LRRTM4: variants seen among roughly 807,000 people sequenced by gnomAD.
LRRTM4 encodes the protein leucine-rich repeat transmembrane neuronal protein 4.
A neutral mutation model predicts 47.6 loss-of-function variants in LRRTM4; 25 were observed. The ratio of observed to expected loss-of-function variants is 0.53; its 90% confidence interval spans 0.38 to 0.73. The LOEUF (loss-of-function observed/expected upper bound fraction) is 0.73, where lower values mean the gene tolerates loss of function less well. Among genes scored for constraint, LRRTM4 ranks in the 30% least tolerant of loss-of-function variants. The pLI is 0.00. For synonymous variants in LRRTM4, 311 were observed against 269.5 expected (o/e 1.15, Z -1.51); for missense variants, 638 against 713.4 (o/e 0.89, Z 1.20).
intron 3 of LRRTM4, among the ~76,000 whole-genome samples, chr2:77,399,159 C>T (rs1673835376): frequency 6.7e-6 from 1 of 149,454 alleles, no homozygotes; most frequent in African/African-American, 2.5e-5. Context: ...TCCAGAACAA[C>T]AGCAGGGCTT....
intron 3 of LRRTM4, among the ~76,000 whole-genome samples, chr2:76,923,919 C>T (rs1674509912): frequency 6.6e-6 from 1 of 152,058 alleles, no homozygotes; most frequent in Non-Finnish European, 1.5e-5. Flanking sequence ...AATAGTAGCT[C>T]AAATGGCTCT....
At chr2:77,444,969 A>ACACACACACACC (rs1675993543) in intron 3 of LRRTM4, among the ~76,000 whole-genome samples, 1 of 123,296 alleles carries the variant, frequency 8.1e-6, no homozygotes, top group African/African-American at 3.2e-5. Flanking sequence ...ACACACACAC[A>ACACACACACACC]CGATCCGGAA....
chr2:76,905,349 T>C (rs1361010079), intron 3 of LRRTM4, among the ~76,000 whole-genome samples: 3 of 152,038 alleles, frequency 2.0e-5, no homozygotes, highest in Non-Finnish European at 4.4e-5. Flanking sequence ...ATCCCATCTG[T>C]ACATCACCAT....
At chr2:77,238,748 G>A (rs748800293) in intron 3 of LRRTM4, among the ~76,000 whole-genome samples, 1 of 152,020 alleles carries the variant, frequency 6.6e-6, no homozygotes, top group Non-Finnish European at 1.5e-5. Flanking sequence ...GTAAGAATTA[G>A]AGGAAACTTC....
At chr2:76,776,005 G>C (rs921430733) in intron 3 of LRRTM4, among the ~76,000 whole-genome samples, 1 of 151,900 alleles carries the variant, frequency 6.6e-6, no homozygotes, top group African/African-American at 2.4e-5. Flanking sequence ...ACAATATGCG[G>C]TGTTTGGTTT....
chr2:76,908,566 G>T (rs2103770739), intron 3 of LRRTM4, among the ~76,000 whole-genome samples: 1 of 152,198 alleles, frequency 6.6e-6, no homozygotes, highest in East Asian at 1.9e-4. Context: ...CCTGTTTGCA[G>T]ATGACATGAT....
At chr2:77,298,201 A>G (rs374220215) in intron 3 of LRRTM4, among the ~76,000 whole-genome samples, 5 of 152,164 alleles carry the variant, frequency 3.3e-5, no homozygotes, top group African/African-American at 1.2e-4. Flanking sequence ...GTAGTTCTAA[A>G]AATTACTTCA....
intron 3 of LRRTM4, among the ~76,000 whole-genome samples, chr2:76,869,811 T>C (rs1193545089): frequency 2.6e-5 from 4 of 152,158 alleles, no homozygotes; most frequent in African/African-American, 9.7e-5. Flanking sequence ...CAAGAAAATA[T>C]TGTAGGAGAT....
chr2:77,179,506 C>T (rs1036614444), intron 3 of LRRTM4, among the ~76,000 whole-genome samples: 1 of 152,062 alleles, frequency 6.6e-6, no homozygotes, highest in African/African-American at 2.4e-5. Flanking sequence ...ACAGGCATTA[C>T]ATTGAGTAAG....
intron 3 of LRRTM4, among the ~76,000 whole-genome samples, chr2:77,452,476 C>T (rs78753772): frequency 5.7e-4 from 87 of 152,210 alleles, no homozygotes; most frequent in Non-Finnish European, 8.2e-4. Flanking sequence ...AGAGGAAGCG[C>T]AGGACAGAAT....
intron 3 of LRRTM4, among the ~76,000 whole-genome samples, chr2:77,367,284 G>A (rs1196175676): frequency 2.3e-5 from 2 of 87,438 alleles, no homozygotes; most frequent in Non-Finnish European, 4.2e-5. Flanking sequence ...GTCATTATTT[G>A]ATTTTTTTAA....
At chr2:76,847,689 T>C (rs1378467300) in intron 3 of LRRTM4, among the ~76,000 whole-genome samples, 2 of 151,672 alleles carry the variant, frequency 1.3e-5, no homozygotes, top group African/African-American at 4.9e-5. Context: ...ATTCCATTAC[T>C]TATTTGTAAA....
rs554444665 is a variant in LRRTM4, at chr2:77,084,845, GT to G, written c.1552-335930del. On this transcript the variant is annotated intron_variant, in intron 3 of 3. Coordinates refer to ENST00000409884, the MANE Select transcript of LRRTM4 (RefSeq NM_001134745.3). The stretch of plus-strand genomic sequence containing the variant: ...TTATAAGTGGTAACAATTATAAGTG[GT>G]AGGAAAAGTACTAGACAATGAATGT... Among the ~76,000 whole-genome samples, 26 of 152,274 alleles carry G rather than the reference GT, an allele frequency of 1.7e-4. 1 individual carries two copies. The East Asian group carries it at 5.0e-3, about 29-fold the overall frequency.
chr2:76,797,873 C>T (rs575069419), intron 3 of LRRTM4, among the ~76,000 whole-genome samples: 1 of 151,780 alleles, frequency 6.6e-6, no homozygotes, highest in Non-Finnish European at 1.5e-5. Context: ...CAGTGAAGGC[C>T]ATTACATGAT....
chr2:77,449,683 T>G (rs182277689), intron 3 of LRRTM4, among the ~76,000 whole-genome samples: 3 of 152,312 alleles, frequency 2.0e-5, no homozygotes, highest in African/African-American at 7.2e-5. Context: ...CTGAAAAAGG[T>G]AGCCACTCGC....
At chr2:77,069,650 A>T (rs537585976) in intron 3 of LRRTM4, among the ~76,000 whole-genome samples, 189 of 152,184 alleles carry the variant, frequency 1.2e-3, no homozygotes, top group Non-Finnish European at 2.2e-3. Context: ...GTCTATTTTC[A>T]ACTTTGCCTT....
At chr2:76,823,164 A>G (rs1030703744) in intron 3 of LRRTM4, among the ~76,000 whole-genome samples, 10 of 151,576 alleles carry the variant, frequency 6.6e-5, no homozygotes, top group African/African-American at 9.6e-5. Flanking sequence ...CCATGATTAC[A>G]TATAGAAATA....
chr2:76,960,043 G>A (rs1365839210), intron 3 of LRRTM4, among the ~76,000 whole-genome samples: 3 of 150,770 alleles, frequency 2.0e-5, no homozygotes, highest in Admixed American at 1.3e-4. Context: ...AGGGCAAAAC[G>A]ACTTTACCAA....
At chr2:77,141,783 T>C (rs1281869643) in intron 3 of LRRTM4, among the ~76,000 whole-genome samples, 1 of 152,178 alleles carries the variant, frequency 6.6e-6, no homozygotes, top group Admixed American at 6.5e-5. Flanking sequence ...TTTTGACCAC[T>C]ATATATATCA....
Sources: gnomAD v4.1 joint callset for allele counts (sites outside exome capture counted in the v4.1 genomes callset) on GRCh38, gnomAD v4.1.1 for gene constraint, MANE v1.5 for transcripts, NCBI Gene and HGNC (gene_info 2026-07-23, HGNC 2026-07-21) for gene names.